DOCK2: variants seen among roughly 807,000 people sequenced by gnomAD.
DOCK2 encodes the protein dedicator of cytokinesis 2.
In DOCK2, 87 loss-of-function variants were observed where a neutral mutation model predicts 248.9. That is an observed-to-expected ratio of 0.35 (90% CI 0.29 to 0.42). The LOEUF (loss-of-function observed/expected upper bound fraction) is 0.42, where lower values mean the gene tolerates loss of function less well. DOCK2 is among the 10% of genes least tolerant of loss of function. The pLI, the probability that DOCK2 is intolerant of heterozygous loss-of-function variation, is 1.00. For missense variants in DOCK2, 1,747 were observed against 2,300.2 expected, an observed-to-expected ratio of 0.76 and a Z score of 4.92; for synonymous variants, 805 against 821.6, an observed-to-expected ratio of 0.98 and a Z score of 0.35.
chr5:169,961,153 C>T (rs1777071068), intron 27 of DOCK2, among the ~76,000 whole-genome samples: 1 of 152,182 alleles, frequency 6.6e-6, no homozygotes, highest in South Asian at 2.1e-4. Context: ...AGTCATATGT[C>T]CTACAATTGT....
chr5:169,687,610 A>C (rs933963034), intron 8 of DOCK2, among the ~76,000 whole-genome samples: 1 of 152,202 alleles, frequency 6.6e-6, no homozygotes, highest in Non-Finnish European at 1.5e-5. Flanking sequence ...AGCACCAACT[A>C]TATGCTCCTA....
intron 38 of DOCK2, among the ~76,000 whole-genome samples, chr5:170,045,011 G>A (rs1158979112): frequency 6.6e-6 from 1 of 152,102 alleles, no homozygotes; most frequent in African/African-American, 2.4e-5. Flanking sequence ...ACAGAGGAGA[G>A]AAGAATTATC....
intron 27 of DOCK2, among the ~76,000 whole-genome samples, chr5:169,936,867 T>C (rs919229112): frequency 6.6e-5 from 10 of 152,246 alleles, no homozygotes; most frequent in African/African-American, 2.2e-4. Context: ...GATAGAATTA[T>C]AACGACACCC....
At chr5:169,802,910 A>T in intron 25 of DOCK2, 148 bp from the exon 26 acceptor site, 1 of 1,050,910 alleles carries the variant, frequency 9.5e-7, no homozygotes, top group Non-Finnish European at 1.3e-6. Context: ...TTCTCAGGAA[A>T]TCTTAACCTA....
At chr5:169,773,306 CA>C (rs1765199900) in intron 25 of DOCK2, 1 of 152,048 alleles carries the variant, frequency 6.6e-6, no homozygotes, top group Non-Finnish European at 1.5e-5. Flanking sequence ...GGCATACAAT[CA>C]AGGAAAAAAA....
At chr5:169,842,766 T>C (rs918540386) in intron 27 of DOCK2, among the ~76,000 whole-genome samples, 1 of 152,162 alleles carries the variant, frequency 6.6e-6, no homozygotes, top group Non-Finnish European at 1.5e-5. Flanking sequence ...ACTAAATAAG[T>C]GCTGTATATT....
intron 36 of DOCK2, among the ~76,000 whole-genome samples, chr5:170,039,574 CA>C (rs773278151): frequency 3.9e-5 from 6 of 152,224 alleles, no homozygotes; most frequent in Non-Finnish European, 7.3e-5. Flanking sequence ...ATCAAATCAC[CA>C]CTAGGTGACC....
In DOCK2 at chr5:170,022,001, C is replaced by T. The variant is rs539919614; in HGVS notation, c.3381+2893C>T. 7.2e-5 allele frequency among the ~76,000 whole-genome samples: 11 copies of T among 152,258 alleles called. No individual in the cohort carries two copies. In the South Asian group the frequency reaches 2.3e-3, roughly 32 times the overall value. ...AGGTCCCCAGAAGACCACATTGTTC[C>T]CTCTCTAAAATGTGGGTTGCTTAAG... is the stretch of plus-strand genomic sequence containing the variant. On this transcript the variant is annotated intron_variant, in intron 33 of 51. Transcript: ENST00000520908.
At chr5:169,838,561 G>A (rs1769736336) in intron 26 of DOCK2, among the ~76,000 whole-genome samples, 1 of 152,154 alleles carries the variant, frequency 6.6e-6, no homozygotes, top group East Asian at 1.9e-4. Flanking sequence ...TAAAGGAGAA[G>A]GAAATCAGGA....
At chr5:169,969,605 C>A (rs73327836) in intron 27 of DOCK2, among the ~76,000 whole-genome samples, 1 of 152,172 alleles carries the variant, frequency 6.6e-6, no homozygotes, top group Non-Finnish European at 1.5e-5. Context: ...TGCCATTCTG[C>A]GGAGGCATTC....
intron 1 of DOCK2, among the ~76,000 whole-genome samples, chr5:169,643,325 G>A (rs577047785): frequency 5.1e-5 from 7 of 137,976 alleles, no homozygotes; most frequent in African/African-American, 1.4e-4. Flanking sequence ...AGCCCTCTCC[G>A]TTCATCACTC....
chr5:169,754,538 A>G (rs1764085301), intron 23 of DOCK2, among the ~76,000 whole-genome samples: 1 of 152,228 alleles, frequency 6.6e-6, no homozygotes, highest in Non-Finnish European at 1.5e-5. Flanking sequence ...TGTCAGAAGA[A>G]CTGCACTTTA....
chr5:169,723,014 C>T (rs1185846421), intron 22 of DOCK2, among the ~76,000 whole-genome samples: 1 of 152,188 alleles, frequency 6.6e-6, no homozygotes, highest in Non-Finnish European at 1.5e-5. Flanking sequence ...GCTCTTATTT[C>T]CTCTGTGAGT....
intron 27 of DOCK2, among the ~76,000 whole-genome samples, chr5:169,862,028 A>G (rs943065058): frequency 1.1e-4 from 16 of 152,012 alleles, no homozygotes; most frequent in African/African-American, 3.9e-4. Flanking sequence ...TGAGGGCCTC[A>G]ACTGGAAACA....
chr5:169,753,002 T>C (rs922374772), intron 23 of DOCK2, among the ~76,000 whole-genome samples: 2 of 151,892 alleles, frequency 1.3e-5, no homozygotes, highest in Non-Finnish European at 2.9e-5. Flanking sequence ...GAGGTGGAGG[T>C]TGCAGTGAGC....
chr5:169,963,931 A>C (rs1777193948), intron 27 of DOCK2, among the ~76,000 whole-genome samples: 1 of 152,252 alleles, frequency 6.6e-6, no homozygotes. Flanking sequence ...AAGTTTTCGG[A>C]TGCTGCTGCT....
chr5:169,858,691 G>A (rs1255196146), intron 27 of DOCK2, among the ~76,000 whole-genome samples: 1 of 152,192 alleles, frequency 6.6e-6, no homozygotes, highest in African/African-American at 2.4e-5. Context: ...TGGCTGCTAT[G>A]TGGAGAAGAT....
chr5:169,771,257 A>G (rs1178236070), intron 25 of DOCK2, among the ~76,000 whole-genome samples: 3 of 152,078 alleles, frequency 2.0e-5, no homozygotes, highest in African/African-American at 4.8e-5. Context: ...TTTCTTTGCT[A>G]TGTCTTTTCA....
Position 169,880,515 on chromosome 5 carries a change from C to T in DOCK2, c.2799+39663C>T, listed in dbSNP as rs190567320. 7.2e-5 allele frequency among the ~76,000 whole-genome samples: 11 copies of T among 152,320 alleles called. 1 individual carries two copies. Among genetic ancestry groups the T allele is most frequent in the Admixed American group, 3.3e-4 (5 of 15,304 alleles). ...GGTCAACAAAATTAGATGTCGTCAA[C>T]GGAAATTACTGCTTTTGACCACTTT... On this transcript the variant is annotated intron_variant, in intron 27 of 51. Transcript: ENST00000520908.
Sources: gnomAD v4.1 joint callset for allele counts (sites outside exome capture counted in the v4.1 genomes callset) on GRCh38, gnomAD v4.1.1 for gene constraint, MANE v1.5 for transcripts, NCBI Gene and HGNC (gene_info 2026-07-23, HGNC 2026-07-21) for gene names.